MCC: variants seen among roughly 807,000 people sequenced by gnomAD.
MCC encodes the protein MCC regulator of Wnt signaling pathway.
In MCC, 90 loss-of-function variants were observed where a neutral mutation model predicts 116.2. The ratio of observed to expected loss-of-function variants is 0.77; its 90% CI spans 0.65 to 0.92. MCC has a LOEUF of 0.92. Among genes scored for constraint, MCC ranks in the 40% least tolerant of loss-of-function variants. The pLI is 0.00. For synonymous variants in MCC, 578 were observed against 510.5 expected, an observed-to-expected ratio of 1.13 and a Z score of -1.78; for missense variants, 1,516 against 1,312.2, an observed-to-expected ratio of 1.16 and a Z score of -2.40.
intron 1 of MCC, among the ~76,000 whole-genome samples, chr5:113,479,494 C>G (rs755223694): frequency 4.6e-5 from 7 of 151,972 alleles, no homozygotes; most frequent in Non-Finnish European, 1.0e-4. Flanking sequence ...TATCGGTTAG[C>G]TCTTCTCAAA....
chr5:113,463,223 T>C (rs974343445), intron 1 of MCC, among the ~76,000 whole-genome samples: 6 of 152,052 alleles, frequency 3.9e-5, no homozygotes, highest in Admixed American at 3.3e-4. Context: ...AGGAAGCCTT[T>C]TTGGCCCTGC....
chr5:113,106,341 T>C (rs1450272069), intron 6 of MCC, among the ~76,000 whole-genome samples: 1 of 84,668 alleles, frequency 1.2e-5, no homozygotes, highest in Non-Finnish European at 2.4e-5. Context: ...CTTCCCCTCA[T>C]TCACTATGCC....
intron 17 of MCC, among the ~76,000 whole-genome samples, chr5:113,040,887 C>A (rs1470729212): frequency 6.6e-6 from 1 of 152,210 alleles, no homozygotes; most frequent in Non-Finnish European, 1.5e-5. Flanking sequence ...CAATCTGCAT[C>A]TTCCTTGTGC....
chr5:113,188,925 A>T (rs912533772), intron 3 of MCC, among the ~76,000 whole-genome samples: 6 of 152,244 alleles, frequency 3.9e-5, no homozygotes, highest in Non-Finnish European at 5.9e-5. Context: ...GCTAACATAA[A>T]TGAGAAATGG....
Position 113,172,349 on chromosome 5 carries a change from C to T in MCC, c.628-20927G>A, listed in dbSNP as rs116478244. ...GGCAAAATTTTGGAGGTTAGAACAACTATTCAGCTGCTTTAGCACTTCATT... is the reference window on the plus strand; with the variant it reads ...GGCAAAATTTTGGAGGTTAGAACAATTATTCAGCTGCTTTAGCACTTCATT... On this transcript the variant is annotated intron_variant, in intron 3 of 18. Transcript: ENST00000408903. Among the ~76,000 whole-genome samples the T allele has an allele frequency of 1.6e-3, 248 of 152,348 alleles. 1 individual carries two copies. Among genetic ancestry groups the T allele is most frequent in the African/African-American group, 5.8e-3 (240 of 41,584 alleles).
At chr5:113,051,770 T>C (rs1278145444) in intron 15 of MCC, among the ~76,000 whole-genome samples, 2 of 152,062 alleles carry the variant, frequency 1.3e-5, no homozygotes, top group Non-Finnish European at 2.9e-5. Flanking sequence ...AAGAATGGAT[T>C]TGAAAAGGAA....
At chr5:113,345,129 C>T (rs1383823439) in intron 2 of MCC, among the ~76,000 whole-genome samples, 2 of 152,122 alleles carry the variant, frequency 1.3e-5, no homozygotes, top group Non-Finnish European at 2.9e-5. Flanking sequence ...CCTGGCAGAA[C>T]TCACCATGGG....
intron 3 of MCC, among the ~76,000 whole-genome samples, chr5:113,180,667 A>C (rs1365708213): frequency 6.6e-6 from 1 of 152,184 alleles, no homozygotes; most frequent in Non-Finnish European, 1.5e-5. Context: ...ATTTTTGCCC[A>C]AGAAGAGTAT....
chr5:113,301,281 C>G (rs537150662), intron 3 of MCC, among the ~76,000 whole-genome samples: 1 of 152,126 alleles, frequency 6.6e-6, no homozygotes, highest in Non-Finnish European at 1.5e-5. Context: ...GCCTGACCAA[C>G]ATGGAGAAAC....
At chr5:113,433,929 G>C in intron 1 of MCC, 1 of 1,614,048 alleles carries the variant, frequency 6.2e-7, no homozygotes, top group Non-Finnish European at 8.5e-7. Flanking sequence ...CTTCTTGTCA[G>C]AGCCAGGTTC....
intron 5 of MCC, among the ~76,000 whole-genome samples, chr5:113,133,236 C>A (rs888973469): frequency 5.3e-5 from 8 of 152,006 alleles, no homozygotes; most frequent in South Asian, 4.2e-4. Flanking sequence ...GGTCTTACTT[C>A]TTCTATCTAC....
intron 3 of MCC, among the ~76,000 whole-genome samples, chr5:113,207,926 C>T (rs2150322186): frequency 6.6e-6 from 1 of 152,258 alleles, no homozygotes; most frequent in South Asian, 2.1e-4. Context: ...GGGGCCTGAG[C>T]TACTGGGGAC....
At chr5:113,469,708 C>G (rs1286873186) in intron 1 of MCC, among the ~76,000 whole-genome samples, 4 of 152,140 alleles carry the variant, frequency 2.6e-5, no homozygotes, top group Non-Finnish European at 4.4e-5. Context: ...TCACTTGGTG[C>G]AGAGCTGAGT....
At chr5:113,257,515 G>C (rs896149345) in intron 3 of MCC, among the ~76,000 whole-genome samples, 7 of 152,174 alleles carry the variant, frequency 4.6e-5, no homozygotes, top group African/African-American at 1.7e-4. Flanking sequence ...AAGTGAGAAA[G>C]AGACTGAGAA....
At chr5:113,273,169 A>C (rs1765679370) in intron 3 of MCC, among the ~76,000 whole-genome samples, 1 of 152,246 alleles carries the variant, frequency 6.6e-6, no homozygotes, top group Admixed American at 6.5e-5. Context: ...GACAATGAAC[A>C]AACTTTTGGA....
At chr5:113,398,908 T>A (rs1036255864) in intron 1 of MCC, among the ~76,000 whole-genome samples, 1 of 152,348 alleles carries the variant, frequency 6.6e-6, no homozygotes, top group Admixed American at 6.5e-5. Flanking sequence ...TTAGTATTTG[T>A]AGTCTTGAAC....
At chr5:113,329,419 CAT>C (rs1767642536) in intron 3 of MCC, among the ~76,000 whole-genome samples, 1 of 142,862 alleles carries the variant, frequency 7.0e-6, no homozygotes, top group Non-Finnish European at 1.5e-5. Context: ...TATATCCACA[CAT>C]ACATATATAC....
At chr5:113,207,691 A>G (rs1341492306) in intron 3 of MCC, among the ~76,000 whole-genome samples, 1 of 152,214 alleles carries the variant, frequency 6.6e-6, no homozygotes, top group African/African-American at 2.4e-5. Flanking sequence ...GAGCACATTT[A>G]CAAAAATTAT....
chr5:113,137,604 T>G (rs951907574), intron 5 of MCC, among the ~76,000 whole-genome samples: 2 of 152,196 alleles, frequency 1.3e-5, no homozygotes, highest in East Asian at 3.8e-4. Flanking sequence ...AGTATTTTGT[T>G]GAGGATTTTT....
Sources: gnomAD v4.1 joint callset for allele counts (sites outside exome capture counted in the v4.1 genomes callset) on GRCh38, gnomAD v4.1.1 for gene constraint, MANE v1.5 for transcripts, NCBI Gene and HGNC (gene_info 2026-07-23, HGNC 2026-07-21) for gene names.